Variants in BBX observed in about 807,000 individuals in gnomAD.
BBX encodes the protein HMG box transcription factor BBX.
A neutral mutation model predicts 100.2 loss-of-function variants in BBX; 30 were observed. The ratio of observed to expected loss-of-function variants is 0.30; its 90% CI spans 0.22 to 0.41. The LOEUF (loss-of-function observed/expected upper bound fraction) is 0.41, where lower values mean the gene tolerates loss of function less well. Ranked by LOEUF, BBX falls within the 10% of genes least tolerant of loss-of-function variation. BBX has a pLI of 1.00. For synonymous variants in BBX, 376 were observed against 388.1 expected, an observed-to-expected ratio of 0.97 and a Z score of 0.37; for missense variants, 1,023 against 1,129.8, an observed-to-expected ratio of 0.91 and a Z score of 1.35.
chr3:107,641,382 G>T (rs1185964871), intron 2 of BBX, among the ~76,000 whole-genome samples: 1 of 152,114 alleles, frequency 6.6e-6, no homozygotes, highest in East Asian at 1.9e-4. Flanking sequence ...ACCAAGCCTT[G>T]CCGGTCATTT....
intron 3 of BBX, among the ~76,000 whole-genome samples, chr3:107,669,596 T>C (rs2058924132): frequency 6.6e-6 from 1 of 152,140 alleles, no homozygotes; most frequent in Admixed American, 6.6e-5. Flanking sequence ...GTAAATCTGA[T>C]ACAGATTAGT....
intron 2 of BBX, among the ~76,000 whole-genome samples, chr3:107,582,628 C>A (rs1043288314): frequency 6.6e-6 from 1 of 151,956 alleles, no homozygotes; most frequent in African/African-American, 2.4e-5. Flanking sequence ...CTAATATTAT[C>A]CTACCTTAAA....
intron 3 of BBX, among the ~76,000 whole-genome samples, chr3:107,697,839 A>C (rs2060743941): frequency 6.6e-6 from 1 of 151,866 alleles, no homozygotes; most frequent in African/African-American, 2.4e-5. Context: ...CTGTGCTAGC[A>C]ATCAGGGAGA....
chr3:107,599,252 T>C, intron 2 of BBX: 1 of 152,506 alleles, frequency 6.6e-6, no homozygotes, highest in Non-Finnish European at 1.5e-5. Flanking sequence ...CAGTACTGTC[T>C]GTGCTTCGCT....
chr3:107,754,273 C>T (rs2065300932), intron 9 of BBX, among the ~76,000 whole-genome samples: 1 of 152,164 alleles, frequency 6.6e-6, no homozygotes, highest in African/African-American at 2.4e-5. Context: ...TTCTCTTAGT[C>T]TCCTGATAAG....
chr3:107,742,393 C>G (rs570445131), intron 7 of BBX, among the ~76,000 whole-genome samples: 1 of 151,970 alleles, frequency 6.6e-6, no homozygotes, highest in East Asian at 1.9e-4. Flanking sequence ...GTCAGCTAAC[C>G]AAGTCAGCTA....
intron 13 of BBX, among the ~76,000 whole-genome samples, chr3:107,787,023 G>A (rs151053077): frequency 6.6e-5 from 10 of 152,242 alleles, no homozygotes; most frequent in East Asian, 5.8e-4. Context: ...ATACGTGGCC[G>A]ATAAGTACAA....
At chr3:107,614,999 C>G (rs896311182) in intron 2 of BBX, among the ~76,000 whole-genome samples, 1 of 152,088 alleles carries the variant, frequency 6.6e-6, no homozygotes, top group Non-Finnish European at 1.5e-5. Context: ...TCTATAAGCA[C>G]AGTAGTAGCA....
At chr3:107,754,694 T>A (rs1576645649) in intron 9 of BBX, among the ~76,000 whole-genome samples, 1 of 152,250 alleles carries the variant, frequency 6.6e-6, no homozygotes, top group East Asian at 1.9e-4. Context: ...ACCTACTAAA[T>A]GGAAATAAGA....
intron 2 of BBX, among the ~76,000 whole-genome samples, chr3:107,611,893 T>C (rs1247875747): frequency 6.6e-6 from 1 of 152,078 alleles, no homozygotes; most frequent in Non-Finnish European, 1.5e-5. Context: ...TTTCCAGATC[T>C]TGCCAGCATG....
chr3:107,789,346 C>T (rs1011405291), intron 13 of BBX, among the ~76,000 whole-genome samples: 1 of 152,100 alleles, frequency 6.6e-6, no homozygotes, highest in Admixed American at 6.5e-5. Context: ...CTAATGCTGT[C>T]GGGTCAACTG....
intron 2 of BBX, among the ~76,000 whole-genome samples, chr3:107,619,097 A>G (rs1487218020): frequency 6.6e-6 from 1 of 152,026 alleles, no homozygotes; most frequent in East Asian, 1.9e-4. Context: ...TAGGATTGGT[A>G]TATTTTCTTG....
chr3:107,575,152 T>C (rs2051675921), intron 2 of BBX, among the ~76,000 whole-genome samples: 1 of 152,222 alleles, frequency 6.6e-6, no homozygotes, highest in Non-Finnish European at 1.5e-5. Flanking sequence ...ATAAAGTTTC[T>C]TGTAAAGAAT....
intron 3 of BBX, among the ~76,000 whole-genome samples, chr3:107,676,862 G>T (rs2059306924): frequency 1.3e-5 from 2 of 152,058 alleles, no homozygotes; most frequent in South Asian, 4.1e-4. Flanking sequence ...ATTTCATCAA[G>T]ATTTAAATGT....
At chr3:107,540,608 G>A (rs892196680) in intron 2 of BBX, among the ~76,000 whole-genome samples, 1 of 152,178 alleles carries the variant, frequency 6.6e-6, no homozygotes, top group Non-Finnish European at 1.5e-5. Flanking sequence ...AGTGTTGCCT[G>A]TATAGAGGTA....
At chr3:107,734,719 A>C (rs2063531978) in intron 7 of BBX, among the ~76,000 whole-genome samples, 1 of 152,164 alleles carries the variant, frequency 6.6e-6, no homozygotes, top group African/African-American at 2.4e-5. Flanking sequence ...ACGTCTGTAG[A>C]ACTCATGGAT....
chr3:107,683,253 C>T (rs2059663263), intron 3 of BBX, among the ~76,000 whole-genome samples: 2 of 151,962 alleles, frequency 1.3e-5, no homozygotes, highest in African/African-American at 4.8e-5. Context: ...TAGAGGTCCC[C>T]CCTGCTTCCG....
At chr3:107,668,842 C>T (rs750286916) in intron 3 of BBX, among the ~76,000 whole-genome samples, 4 of 152,118 alleles carry the variant, frequency 2.6e-5, no homozygotes, top group African/African-American at 4.8e-5. Flanking sequence ...ACAGTTTTCA[C>T]GCAAAGGTTC....
intron 3 of BBX, among the ~76,000 whole-genome samples, chr3:107,709,088 T>C (rs946391567): frequency 6.6e-6 from 1 of 152,204 alleles, no homozygotes; most frequent in African/African-American, 2.4e-5. Flanking sequence ...AATGAAAAGC[T>C]GGATTATTTA....
Sources: gnomAD v4.1 joint callset for allele counts (sites outside exome capture counted in the v4.1 genomes callset) on GRCh38, gnomAD v4.1.1 for gene constraint, MANE v1.5 for transcripts, NCBI Gene and HGNC (gene_info 2026-07-23, HGNC 2026-07-21) for gene names.